The following PCDHGA9 variants were observed in gnomAD, a reference collection of about 807,000 sequenced individuals.
PCDHGA9 encodes the protein protocadherin gamma-A9.
Under a neutral mutation model 62.5 loss-of-function variants are expected in PCDHGA9, and 37 were observed. That is an observed-to-expected ratio of 0.59 (90% confidence interval 0.46 to 0.78). The LOEUF is 0.78. Among genes scored for constraint, PCDHGA9 ranks in the 30% least tolerant of loss-of-function variants. The pLI, the probability that PCDHGA9 is intolerant of heterozygous loss-of-function variation, is 0.00. For missense variants in PCDHGA9, 1,138 were observed against 1,166.2 expected, an observed-to-expected ratio of 0.98 and a Z score of 0.35; for synonymous variants, 459 against 484.6, an observed-to-expected ratio of 0.95 and a Z score of 0.69.
chr5:141,417,721 C>A, intron 1 of PCDHGA9: 2 of 1,330,572 alleles, frequency 1.5e-6, no homozygotes, highest in Non-Finnish European at 2.0e-6. Context: ...CCCGGCTGCG[C>A]AGACCTTGCC....
chr5:141,422,871 G>A (rs769543752), intron 1 of PCDHGA9: 1 of 1,614,216 alleles, frequency 6.2e-7, no homozygotes, highest in Admixed American at 1.7e-5. Context: ...GCAACGTGTC[G>A]CTGAGCCTGT....
intron 1 of PCDHGA9, among the ~76,000 whole-genome samples, chr5:141,488,782 C>T (rs990081222): frequency 2.0e-5 from 3 of 152,178 alleles, no homozygotes; most frequent in Non-Finnish European, 1.5e-5. Flanking sequence ...TTTTGTATCA[C>T]TTTGTCTTCC....
chr5:141,506,434 C>A lies in PCDHGA9; in HGVS notation c.2572+953C>A, dbSNP rs139627189. Among the ~76,000 whole-genome samples the A allele has an allele frequency of 8.5e-4, 112 of 131,752 alleles. 2 individuals are homozygous for A. The highest frequency in any genetic ancestry group is 3.3e-3 in the African/African-American group (107 of 32,408). 86.4% of individuals were successfully genotyped at this position (131,752 alleles called of 152,430 possible). ...TGCACTCCAGCCTGGGCAACAGTCT[C>A]GCTCTGTCTCAAAAAAAAAAAAAAA... On this transcript the variant is annotated intron_variant, in intron 3 of 3. Transcript: ENST00000573521.
chr5:141,496,943 T>C (rs1023861484), intron 2 of PCDHGA9, among the ~76,000 whole-genome samples: 2 of 151,258 alleles, frequency 1.3e-5, no homozygotes, highest in African/African-American at 2.4e-5. Flanking sequence ...CCCAGCACTT[T>C]GGGAGGCCAA....
intron 1 of PCDHGA9, chr5:141,426,204 T>C (rs10046053): frequency 0.11 from 17,599 of 155,696 alleles, 1,197 homozygotes; most frequent in African/African-American, 0.19. Flanking sequence ...TTGAGTTTTC[T>C]ATGTATGGAA....
At chr5:141,445,086 A>T (rs190267063) in intron 1 of PCDHGA9, among the ~76,000 whole-genome samples, 163 of 152,322 alleles carry the variant, frequency 1.1e-3, no homozygotes, top group African/African-American at 3.6e-3. Flanking sequence ...TTGTCCCTAC[A>T]TATTTGATGT....
chr5:141,427,126 C>T (rs1216633922), intron 1 of PCDHGA9: 1 of 457,282 alleles, frequency 2.2e-6, no homozygotes, highest in Non-Finnish European at 4.4e-6. Context: ...TCTTTCAAAT[C>T]CCTACGAGAT....
At chr5:141,500,929 C>T (rs1347340945) in intron 2 of PCDHGA9, among the ~76,000 whole-genome samples, 2 of 151,210 alleles carry the variant, frequency 1.3e-5, no homozygotes, top group South Asian at 2.1e-4. Flanking sequence ...GGTGCAGTGG[C>T]GCCATCTCGG....
intron 1 of PCDHGA9, among the ~76,000 whole-genome samples, chr5:141,425,915 C>G (rs537499239): frequency 1.3e-5 from 2 of 152,336 alleles, no homozygotes; most frequent in East Asian, 3.9e-4. Context: ...AAAACAGTCA[C>G]TACGAAAACT....
In PCDHGA9 at chr5:141,460,596, C is replaced by A. The variant is rs930441447; in HGVS notation, c.2425-34211C>A. On this transcript the variant is annotated intron_variant, in intron 1 of 3. Transcript: ENST00000573521. ...TGTAGGTGTGGGTTTTTTCTGGGCT[C>A]TCTGTGTTAGATGGATAGATAGACA... Among the ~76,000 whole-genome samples the A allele has an allele frequency of 1.3e-5, 2 of 151,986 alleles. 1 individual carries two copies. The highest frequency in any genetic ancestry group is 4.1e-4 in the South Asian group (2 of 4,824).
intron 1 of PCDHGA9, among the ~76,000 whole-genome samples, chr5:141,425,338 G>A (rs561085111): frequency 6.6e-6 from 1 of 152,290 alleles, no homozygotes; most frequent in African/African-American, 2.4e-5. Flanking sequence ...AAAAGGAAGG[G>A]TTGGCTTTGA....
chr5:141,450,755 G>A (rs556795021), intron 1 of PCDHGA9, among the ~76,000 whole-genome samples: 8 of 152,040 alleles, frequency 5.3e-5, no homozygotes, highest in Admixed American at 1.3e-4. Context: ...CCAAAGTGCC[G>A]GGATTACAGG....
intron 1 of PCDHGA9, among the ~76,000 whole-genome samples, chr5:141,433,408 A>ATCTATCTATCTATCT (rs1413347413): frequency 7.9e-6 from 1 of 127,280 alleles, no homozygotes; most frequent in African/African-American, 2.9e-5. Flanking sequence ...TCTATCTATT[A>ATCTATCTATCTATCT]CTTTCTTGTA....
intron 1 of PCDHGA9, among the ~76,000 whole-genome samples, chr5:141,438,585 TACATAC>T (rs201018754): frequency 0.16 from 9,805 of 59,734 alleles, 612 homozygotes; most frequent in African/African-American, 0.28. Context: ...CATACATACA[TACATAC>T]ATATATATAT....
intron 1 of PCDHGA9, chr5:141,414,753 T>A: frequency 6.2e-7 from 1 of 1,614,202 alleles, no homozygotes; most frequent in Non-Finnish European, 8.5e-7. Flanking sequence ...CCTTCGACTA[T>A]GAGCAGTTTC....
intron 1 of PCDHGA9, among the ~76,000 whole-genome samples, chr5:141,483,014 G>A (rs1401419953): frequency 1.3e-5 from 2 of 152,184 alleles, no homozygotes; most frequent in Non-Finnish European, 2.9e-5. Context: ...GAACCCGGGA[G>A]GCAGAGGTTG....
At chr5:141,419,315 C>T in intron 1 of PCDHGA9, 1 of 1,613,998 alleles carries the variant, frequency 6.2e-7, no homozygotes. Flanking sequence ...GCTCAACGGC[C>T]GTGTCTCCTA....
intron 1 of PCDHGA9, chr5:141,415,164 G>A: frequency 1.9e-6 from 3 of 1,613,838 alleles, no homozygotes; most frequent in African/African-American, 2.7e-5. Flanking sequence ...CCACTGTCAC[G>A]CTCACCGTGG....
chr5:141,407,924 C>T, intron 1 of PCDHGA9: 2 of 482,212 alleles, frequency 4.1e-6, no homozygotes, highest in Non-Finnish European at 3.6e-6. Flanking sequence ...CTGTCCCGCA[C>T]GGAGCCTCTG....
Sources: allele counts gnomAD v4.1 joint callset (sites outside exome capture counted in the v4.1 genomes callset), GRCh38; gene constraint gnomAD v4.1.1; transcripts MANE v1.5; gene names NCBI Gene and HGNC (gene_info 2026-07-23, HGNC 2026-07-21).